ZPR1: variants seen among roughly 807,000 people sequenced by gnomAD.
ZPR1 encodes zinc finger protein ZPR1.
A neutral mutation model predicts 59.6 loss-of-function variants in ZPR1; 37 were observed. The ratio of observed to expected loss-of-function variants is 0.62; its 90% CI spans 0.48 to 0.82. ZPR1 has a LOEUF of 0.82. ZPR1 is among the 40% of genes least tolerant of loss of function. The pLI is 0.00. For missense variants in ZPR1, 527 were observed against 579.9 expected (o/e 0.91, Z 0.94); for synonymous variants, 191 against 215.2 (o/e 0.89, Z 0.99).
At chr11:116,786,652 G>A (rs573065474) in intron 3 of ZPR1, 71 bp from the exon 4 acceptor site, 34 of 1,347,086 alleles carry the variant, frequency 2.5e-5, no homozygotes, top group Non-Finnish European at 3.6e-5. Flanking sequence ...TATGACCCTG[G>A]GCAATTCACT....
In ZPR1 at chr11:116,784,399, G is replaced by C. The variant is rs1452553823; in HGVS notation, c.870C>G (p.Asn290Lys). 2.5e-6 allele frequency: 4 copies of C among 1,614,162 alleles called. No homozygotes were observed. Among genetic ancestry groups the C allele is most frequent in the Admixed American group, 1.7e-5 (1 of 60,016 alleles). Residue 290 changes from asparagine to lysine, a missense_variant, in exon 9 of 14, where the codon AAC (asparagine) becomes AAG (lysine). Transcript: ENST00000227322. ...CCACCTCATTGGTCCGATGCCCACA[G>C]TTCTCGCAGTTGGTAGCCATGATGA... ...EVIIMATNCE[N>K]CGHRTNEVKS...
At chr11:116,787,181 C>G in intron 2 of ZPR1, 122 bp from the exon 3 acceptor site, 1 of 903,644 alleles carries the variant, frequency 1.1e-6, no homozygotes, top group Non-Finnish European at 1.8e-6. Flanking sequence ...CGCCACTCCA[C>G]AGGGTCCAGA....
chr11:116,784,622 C>T (rs1940857509), intron 8 of ZPR1, 174 bp from the exon 9 acceptor site: 1 of 808,798 alleles, frequency 1.2e-6, no homozygotes, highest in East Asian at 2.7e-5. Flanking sequence ...CATGGCAATC[C>T]CTGTTCACAC....
At chr11:116,785,184 A>G in intron 6 of ZPR1, 38 bp from the exon 7 acceptor site, 1 of 1,611,840 alleles carries the variant, frequency 6.2e-7, no homozygotes, top group Non-Finnish European at 8.5e-7. Flanking sequence ...GTTGGCAGGT[A>G]TACCTCAGTG....
At chr11:116,784,530 A>G in intron 8 of ZPR1, 82 bp from the exon 9 acceptor site, 1 of 1,303,092 alleles carries the variant, frequency 7.7e-7, no homozygotes, top group Non-Finnish European at 1.1e-6. Flanking sequence ...CCCCACACAA[A>G]CATATGCTGG....
At chr11:116,786,651 G>T in intron 3 of ZPR1, 70 bp from the exon 4 acceptor site, 1 of 1,363,386 alleles carries the variant, frequency 7.3e-7, no homozygotes, top group Non-Finnish European at 1.0e-6. Context: ...GTATGACCCT[G>T]GGCAATTCAC....
chr11:116,783,858 CT>C (rs1940846795), intron 9 of ZPR1, among the ~76,000 whole-genome samples: 2 of 121,700 alleles, frequency 1.6e-5, no homozygotes, highest in African/African-American at 4.0e-5. Flanking sequence ...CTGAATTTAC[CT>C]TAAAAAAAAA....
Position 116,775,625 on chromosome 11 carries a change from C to A in ZPR1, c.*3300G>T, listed in dbSNP as rs2134190940. On this transcript the variant is annotated 3_prime_UTR_variant, in exon 14 of 14. Coordinates refer to ENST00000227322, the MANE Select transcript of ZPR1 (RefSeq NM_003904.5). ...TCTGGGCAACAGAGTGAGACTCCGTCTCAAAAAAAAAAAAAAAAAAAAAAA... is the reference window on the plus strand; with the variant it reads ...TCTGGGCAACAGAGTGAGACTCCGTATCAAAAAAAAAAAAAAAAAAAAAAA... 1.5e-5 allele frequency: 1 copy of A among 67,268 alleles called. No homozygotes were observed. Among genetic ancestry groups the A allele is most frequent in the African/African-American group, 6.5e-5 (1 of 15,426 alleles). The allele number at this position is 67,268 out of a possible 1,614,324, so 4.2% of individuals were successfully genotyped here. A position where few individuals can be genotyped will look rare whatever the true frequency, so the allele number is the denominator to read the frequency against.
rs897279013 is a variant in ZPR1, at chr11:116,775,870, T to A, written c.*3055A>T. On this transcript the variant is annotated 3_prime_UTR_variant, in exon 14 of 14. Coordinates refer to ENST00000227322, the MANE Select transcript of ZPR1 (RefSeq NM_003904.5). ...CTGCCATTTGCCTTAAAAAGAAGTG[T>A]GTAAAAAACATTTTTTAATAGGAAT... is the stretch of plus-strand genomic sequence containing the variant. The A allele has an allele frequency of 1.3e-5, 2 of 159,744 alleles. No individual in the cohort carries two copies. The highest frequency in any genetic ancestry group is 4.8e-5 in the African/African-American group (2 of 41,442). The allele number at this position is 159,744 out of a possible 1,614,324, so 9.9% of individuals were successfully genotyped here. A position where few individuals can be genotyped will look rare whatever the true frequency, so the allele number is the denominator to read the frequency against.
At chr11:116,781,109 C>A (rs549633355) in intron 12 of ZPR1, among the ~76,000 whole-genome samples, 1 of 148,956 alleles carries the variant, frequency 6.7e-6, no homozygotes, top group African/African-American at 2.5e-5. Flanking sequence ...CAAAGAAGAA[C>A]AAAAAAACCA....
Position 116,787,542 on chromosome 11 carries a change from C to A in ZPR1, c.273G>T (p.Gln91His). The change falls in exon 2 of 14, where the codon CAG (glutamine) becomes CAT (histidine). Residue 91 changes from glutamine (Q) to histidine (H), a missense_variant. By Grantham distance (24) the Gln-to-His change is conservative (BLOSUM62 0). Coordinates refer to ENST00000227322, the MANE Select transcript of ZPR1 (RefSeq NM_003904.5). The stretch of plus-strand genomic sequence containing the variant: ...CCTGGTCCTGGATCCTGCCTGCCGA[C>A]TGGATCTCCGTGTTGTTCCAGCCAC... ...EHCGWNNTEI[Q>H]SAGRIQDQGV... 2.5e-6 allele frequency: 4 copies of A among 1,614,240 alleles called. No homozygotes were observed. The highest frequency in any genetic ancestry group is 3.4e-6 in the Non-Finnish European group (4 of 1,180,036).
intron 12 of ZPR1, among the ~76,000 whole-genome samples, chr11:116,780,205 G>A (rs551129018): frequency 6.6e-6 from 1 of 151,114 alleles, no homozygotes; most frequent in African/African-American, 2.4e-5. Flanking sequence ...GAAAGTAGAG[G>A]GGAAAGGTTC....
At position 116,775,859 on chromosome 11, in the gene ZPR1, A is replaced by C. The variant is rs1940716419; in HGVS notation, c.*3066T>G. The C allele has an allele frequency of 6.2e-6, 1 of 162,096 alleles. No homozygotes were observed. Among genetic ancestry groups the C allele is most frequent in the African/African-American group, 2.4e-5 (1 of 41,448 alleles). The allele number at this position is 162,096 out of a possible 1,614,324, so 10.0% of individuals were successfully genotyped here. On this transcript the variant is annotated 3_prime_UTR_variant, in exon 14 of 14. Transcript: ENST00000227322. ...AGTTGGAAACACTGCCATTTGCCTT[A>C]AAAAGAAGTGTGTAAAAAACATTTT...
Position 116,782,976 on chromosome 11 carries a change from T to G in ZPR1, c.1035A>C (p.Ala345=), listed in dbSNP as rs755346821. ...GTGTGGTGAACTTGCCCCCGAGGACTGCCATTCCCAGTTCAAATTCTAGCT... is the reference window on the plus strand; with the variant it reads ...GTGTGGTGAACTTGCCCCCGAGGACGGCCATTCCCAGTTCAAATTCTAGCT... The part of the protein sequence containing the change: ...IPELEFELGM[A]VLGGKFTTLE... Residue 345 remains alanine, a synonymous_variant, in exon 11 of 14, where the codon GCA becomes GCC. Coordinates refer to ENST00000227322, the MANE Select transcript of ZPR1 (RefSeq NM_003904.5). The G allele has an allele frequency of 5.0e-6, 8 of 1,614,228 alleles. No homozygotes were observed. The East Asian group carries it at 6.7e-5, about 13-fold the overall frequency.
intron 12 of ZPR1, among the ~76,000 whole-genome samples, chr11:116,781,842 C>T (rs986177401): frequency 6.6e-6 from 1 of 152,122 alleles, no homozygotes; most frequent in African/African-American, 2.4e-5. Context: ...GAAACCCTGT[C>T]TCTACTAAAA....
At position 116,775,858 on chromosome 11, in the gene ZPR1, T is replaced by A; in HGVS notation, c.*3067A>T. ...CAGTTGGAAACACTGCCATTTGCCT[T>A]AAAAAGAAGTGTGTAAAAAACATTT... is the stretch of plus-strand genomic sequence containing the variant. On this transcript the variant is annotated 3_prime_UTR_variant, in exon 14 of 14. Transcript: ENST00000227322. 1 of 162,156 alleles carries A rather than the reference T, an allele frequency of 6.2e-6. No homozygotes were observed. 10.0% of individuals were successfully genotyped at this position (162,156 alleles called of 1,614,324 possible).
In ZPR1 at chr11:116,787,039, C is replaced by T. The variant is rs1940898519; in HGVS notation, c.354G>A (p.Val118=). 1.2e-6 allele frequency: 2 copies of T among 1,614,056 alleles called. No homozygotes were observed. The highest frequency in any genetic ancestry group is 3.3e-5 in the Admixed American group (2 of 60,018). Residue 118 remains valine (V), a synonymous_variant, in exon 3 of 14, where the codon GTG becomes GTA. Transcript: ENST00000227322. ...TCCTTGTGGCAGCAGAGTCAGTCTTCACCACTTCTCTGTTCATGTCCTGGG... is the reference window on the plus strand; with the variant it reads ...TCCTTGTGGCAGCAGAGTCAGTCTTTACCACTTCTCTGTTCATGTCCTGGG... The part of the protein sequence containing the change: ...RALEDMNREV[V]KTDSAATRIP...
At chr11:116,779,470 A>G (rs920924936) in intron 13 of ZPR1, among the ~76,000 whole-genome samples, 1 of 151,914 alleles carries the variant, frequency 6.6e-6, no homozygotes, top group African/African-American at 2.4e-5. Flanking sequence ...ACAAGGTACC[A>G]TTTCTCCTCA....
At chr11:116,784,734 A>G (rs2134196801) in intron 8 of ZPR1, 121 bp downstream of exon 8, 1 of 1,080,494 alleles carries the variant, frequency 9.3e-7, no homozygotes, top group Middle Eastern at 2.0e-4. Context: ...ATCAAAGATA[A>G]TATCTTCCTT....
Sources: allele counts gnomAD v4.1 joint callset (sites outside exome capture counted in the v4.1 genomes callset), GRCh38; gene constraint gnomAD v4.1.1; transcripts MANE v1.5; gene names NCBI Gene and HGNC (gene_info 2026-07-23, HGNC 2026-07-21).